DIS3L2: variants seen among roughly 807,000 people sequenced by gnomAD.
DIS3L2 encodes DIS3 like 3'-5' exoribonuclease 2.
DIS3L2 carries 34 observed loss-of-function variants against 97.5 expected under a neutral mutation model. That is an observed-to-expected ratio of 0.35 (90% CI 0.27 to 0.46). The LOEUF is 0.46. Among genes scored for constraint, DIS3L2 ranks in the 20% least tolerant of loss-of-function variants. DIS3L2 has a pLI of 1.00. For synonymous variants in DIS3L2, 435 were observed against 445.2 expected, an observed-to-expected ratio of 0.98 and a Z score of 0.29; for missense variants, 1,038 against 1,146.0, an observed-to-expected ratio of 0.91 and a Z score of 1.36.
intron 6 of DIS3L2, among the ~76,000 whole-genome samples, chr2:232,114,554 A>G (rs1375092012): frequency 6.6e-6 from 1 of 152,224 alleles, no homozygotes; most frequent in Admixed American, 6.5e-5. Flanking sequence ...AATTGGAAAT[A>G]GAAGTATAGA....
intron 20 of DIS3L2, 41 bp from the exon 21 acceptor site, chr2:232,336,428 G>T (rs768072374): frequency 2.5e-6 from 4 of 1,589,506 alleles, no homozygotes; most frequent in Non-Finnish European, 1.7e-6. Context: ...TCGACATCAG[G>T]CCCTGCCATC....
At chr2:232,335,646 C>T in intron 19 of DIS3L2, 127 bp from the exon 20 acceptor site, 1 of 1,090,032 alleles carries the variant, frequency 9.2e-7, no homozygotes. Flanking sequence ...GAAGCTCCCT[C>T]CAGCCAGGCA....
At chr2:232,183,228 G>A (rs919833409) in intron 9 of DIS3L2, among the ~76,000 whole-genome samples, 3 of 152,118 alleles carry the variant, frequency 2.0e-5, no homozygotes, top group Non-Finnish European at 4.4e-5. Flanking sequence ...AGAAATAAAC[G>A]TTATAAGCTA....
At chr2:231,993,798 C>G (rs1025401029) in intron 1 of DIS3L2, among the ~76,000 whole-genome samples, 2 of 147,944 alleles carry the variant, frequency 1.4e-5, no homozygotes, top group African/African-American at 5.0e-5. Flanking sequence ...TAGAAGAGCT[C>G]TAACGGTTAA....
chr2:231,980,220 TA>T (rs1693214002), intron 1 of DIS3L2, among the ~76,000 whole-genome samples: 1 of 152,242 alleles, frequency 6.6e-6, no homozygotes, highest in South Asian at 2.1e-4. Flanking sequence ...CACATAATGT[TA>T]GTCATTTTAA....
intron 5 of DIS3L2, among the ~76,000 whole-genome samples, chr2:232,034,477 C>T (rs887058150): frequency 6.6e-6 from 1 of 152,138 alleles, no homozygotes; most frequent in Non-Finnish European, 1.5e-5. Flanking sequence ...TTCAGTTCTG[C>T]TCCGATCTTA....
At chr2:232,214,137 A>T (rs1364198882) in intron 10 of DIS3L2, among the ~76,000 whole-genome samples, 1 of 152,210 alleles carries the variant, frequency 6.6e-6, no homozygotes, top group Non-Finnish European at 1.5e-5. Context: ...GAATCTGGAG[A>T]CAGTAAATCG....
chr2:232,204,078 A>G lies in DIS3L2; in HGVS notation c.1125-6248A>G, dbSNP rs544067423. Among the ~76,000 whole-genome samples the G allele has an allele frequency of 2.5e-4, 38 of 152,296 alleles. 1 individual carries two copies. Among genetic ancestry groups the G allele is most frequent in the African/African-American group, 8.9e-4 (37 of 41,572 alleles). On this transcript the variant is annotated intron_variant, in intron 9 of 20. Transcript: ENST00000325385. ...GTTGATGAAGGTTTTTGACCAATGC[A>G]TGCTTTAAGATGCTTAATCTGGCAG... is the stretch of plus-strand genomic sequence containing the variant.
chr2:232,328,712 G>C (rs1695646271), intron 14 of DIS3L2: 1 of 152,344 alleles, frequency 6.6e-6, no homozygotes, highest in African/African-American at 2.4e-5. Context: ...GTCCCCCCAG[G>C]CTGGTCAAGG....
chr2:232,162,831 GA>G (rs1211990892), intron 8 of DIS3L2, among the ~76,000 whole-genome samples: 36 of 152,190 alleles, frequency 2.4e-4, no homozygotes, highest in African/African-American at 8.4e-4. Flanking sequence ...TCTGCCTTCT[GA>G]AAGGTGGAAC....
Position 232,166,938 on chromosome 2 carries a change from TTGAACCC to T in DIS3L2, c.1124+3307_1124+3313del, listed in dbSNP as rs956437032. Among the ~76,000 whole-genome samples, 4 of 152,036 alleles carry T rather than the reference TTGAACCC, an allele frequency of 2.6e-5. 1 individual carries two copies. Among genetic ancestry groups the T allele is most frequent in the African/African-American group, 9.7e-5 (4 of 41,388 alleles). ...TGGGAGGCCAAGGCAGGGGAATTGC[TTGAACCC>T]AGGAGGCAGAGGTTGCAGCAAGCTG... On this transcript the variant is annotated intron_variant, in intron 9 of 20. Coordinates refer to ENST00000325385, the MANE Select transcript of DIS3L2 (RefSeq NM_152383.5).
intron 5 of DIS3L2, among the ~76,000 whole-genome samples, chr2:232,085,437 G>C (rs3116152): frequency 0.54 from 82,041 of 152,062 alleles, 23,634 homozygotes; most frequent in East Asian, 0.69. Context: ...CTGGCACGAG[G>C]TGGGCATTCC....
chr2:232,061,975 C>A (rs1225412590), intron 5 of DIS3L2, among the ~76,000 whole-genome samples: 1 of 151,888 alleles, frequency 6.6e-6, no homozygotes, highest in Non-Finnish European at 1.5e-5. Flanking sequence ...AACAACTTTT[C>A]TTTCTTTGTA....
At chr2:232,117,485 T>C (rs1271969659) in intron 6 of DIS3L2, among the ~76,000 whole-genome samples, 1 of 152,220 alleles carries the variant, frequency 6.6e-6, no homozygotes, top group African/African-American at 2.4e-5. Flanking sequence ...CATTTTGTTA[T>C]GGGAATTTTC....
intron 9 of DIS3L2, among the ~76,000 whole-genome samples, chr2:232,184,708 A>T (rs182023441): frequency 3.1e-4 from 47 of 152,342 alleles, no homozygotes; most frequent in Middle Eastern, 3.4e-3. Context: ...TGGGCAAATT[A>T]TTCCTAAGAT....
chr2:232,157,147 G>A lies in DIS3L2; in HGVS notation c.951-6312G>A, dbSNP rs190359807. On this transcript the variant is annotated intron_variant, in intron 8 of 20. Coordinates refer to ENST00000325385, the MANE Select transcript of DIS3L2 (RefSeq NM_152383.5). ...ATTTTCTGCCTTTTAATATCAGTCA[G>A]GGTTCTTGTAGTCTCAGATTCCAAT... 1.5e-3 allele frequency among the ~76,000 whole-genome samples: 234 copies of A among 152,192 alleles called. 4 individuals carry two copies. The highest frequency in any genetic ancestry group is 5.5e-3 in the African/African-American group (227 of 41,516).
intron 5 of DIS3L2, among the ~76,000 whole-genome samples, chr2:232,051,524 T>C (rs1695398090): frequency 6.6e-6 from 1 of 152,122 alleles, no homozygotes; most frequent in Non-Finnish European, 1.5e-5. Context: ...TCTTAAGAAC[T>C]AGCTTCGGCT....
At position 232,336,650 on chromosome 2, in the gene DIS3L2, C is replaced by T. The variant is rs1695962390; in HGVS notation, c.*20C>T. 1 of 1,539,128 alleles carries T rather than the reference C, an allele frequency of 6.5e-7. No individual in the cohort carries two copies. Among genetic ancestry groups the T allele is most frequent in the Non-Finnish European group, 8.7e-7 (1 of 1,145,156 alleles). The stretch of plus-strand genomic sequence containing the variant: ...AGCTGAGCTCCACCAGCCGCCTGCC[C>T]CGCCTGCCCCGCCTGCCTGTCCCGC... On this transcript the variant is annotated 3_prime_UTR_variant, in exon 21 of 21. Coordinates refer to ENST00000325385, the MANE Select transcript of DIS3L2 (RefSeq NM_152383.5).
intron 13 of DIS3L2, among the ~76,000 whole-genome samples, chr2:232,296,181 G>A (rs1449167687): frequency 1.3e-5 from 2 of 152,162 alleles, no homozygotes; most frequent in African/African-American, 2.4e-5. Context: ...CATCTGCCCT[G>A]CAGCCTGAGC....
Sources: gnomAD v4.1 joint callset for allele counts (sites outside exome capture counted in the v4.1 genomes callset) on GRCh38, gnomAD v4.1.1 for gene constraint, MANE v1.5 for transcripts, NCBI Gene and HGNC (gene_info 2026-07-23, HGNC 2026-07-21) for gene names.